AGAP1: variants seen among roughly 807,000 people sequenced by gnomAD.
AGAP1 encodes ArfGAP with GTPase domain, ankyrin repeat and PH domain 1.
Under a neutral mutation model 105.3 loss-of-function variants are expected in AGAP1, and 29 were observed. That is an observed-to-expected ratio of 0.28 (90% CI 0.21 to 0.38). The LOEUF is 0.38. Among genes scored for constraint, AGAP1 ranks in the 10% least tolerant of loss-of-function variants. The probability of loss-of-function intolerance (pLI) is 1.00; values close to 1 mark genes in which losing one functional copy is unlikely to be tolerated. For missense variants in AGAP1, 998 were observed against 1,165.1 expected (o/e 0.86, Z 2.09); for synonymous variants, 509 against 485.9 (o/e 1.05, Z -0.63).
chr2:235,843,673 T>A lies in AGAP1; in HGVS notation c.1050+36342T>A, dbSNP rs1407017684. 1.3e-5 allele frequency among the ~76,000 whole-genome samples: 2 copies of A among 152,266 alleles called. No homozygotes were observed. Among genetic ancestry groups the A allele is most frequent in the Admixed American group, 1.3e-4 (2 of 15,300 alleles). On this transcript the variant is annotated intron_variant, in intron 9 of 17. Coordinates refer to ENST00000304032, the MANE Select transcript of AGAP1 (RefSeq NM_001037131.3). This position sits in a 1 kb window ranked among gnomAD's most constrained non-coding sequence, Gnocchi z 5.9. ...CGCCCTGCATCTGAGATCTCTGTTT[T>A]AAGGCCAGCTCTCCCTAGATGTGTA...
Position 235,823,710 on chromosome 2 carries a change from C to T in AGAP1, c.1050+16379C>T, listed in dbSNP as rs112394352. On this transcript the variant is annotated intron_variant, in intron 9 of 17. Coordinates refer to ENST00000304032, the MANE Select transcript of AGAP1 (RefSeq NM_001037131.3). ...TGACCCAGATATTTTTATTGTATTGCGACTGGTCAGCTTTTTCTAAGTTGA... is the reference window on the plus strand; with the variant it reads ...TGACCCAGATATTTTTATTGTATTGTGACTGGTCAGCTTTTTCTAAGTTGA... Among the ~76,000 whole-genome samples, 1,108 of 152,214 alleles carry T rather than the reference C, an allele frequency of 7.3e-3. 8 individuals carry two copies. Among genetic ancestry groups the T allele is most frequent in the African/African-American group, 0.025 (1,046 of 41,520 alleles).
At chr2:236,024,754 T>C (rs910954708) in intron 13 of AGAP1, among the ~76,000 whole-genome samples, 1 of 152,230 alleles carries the variant, frequency 6.6e-6, no homozygotes, top group Non-Finnish European at 1.5e-5. Flanking sequence ...ATTAGCCCCA[T>C]GGGGCCTTGT....
chr2:235,657,877 A>G (rs76020054), intron 1 of AGAP1, among the ~76,000 whole-genome samples: 1,673 of 152,310 alleles, frequency 0.011, 27 homozygotes, highest in African/African-American at 0.038. Flanking sequence ...CTGTGTCCTT[A>G]TAAGAAGAGG....
At position 235,845,498 on chromosome 2, in the gene AGAP1, C is replaced by G. The variant is rs1180844585; in HGVS notation, c.1051-37847C>G. On this transcript the variant is annotated intron_variant, in intron 9 of 17. Transcript: ENST00000304032. This position sits in a 1 kb window ranked among gnomAD's most constrained non-coding sequence, Gnocchi z 4.8. Reference sequence around the variant, plus strand: ...CGAACCCTGGGCTTCCTGAGGACACCCCATTCTTAGCTGTGGGGTCACCAC... The same window carrying G: ...CGAACCCTGGGCTTCCTGAGGACACGCCATTCTTAGCTGTGGGGTCACCAC... Among the ~76,000 whole-genome samples, 1 of 152,112 alleles carries G rather than the reference C, an allele frequency of 6.6e-6. No individual in the cohort carries two copies. The highest frequency in any genetic ancestry group is 1.5e-5 in the Non-Finnish European group (1 of 68,032).
chr2:235,685,340 G>A (rs1949323897), intron 1 of AGAP1, among the ~76,000 whole-genome samples: 1 of 151,862 alleles, frequency 6.6e-6, no homozygotes, highest in Admixed American at 6.6e-5. Flanking sequence ...TCAGGGCTCA[G>A]TTCTCATCTC....
intron 1 of AGAP1, among the ~76,000 whole-genome samples, chr2:235,522,403 G>T (rs1942657011): frequency 6.6e-6 from 1 of 152,186 alleles, no homozygotes; most frequent in African/African-American, 2.4e-5. Flanking sequence ...CAGCCTCTCT[G>T]TATCTGTGGG....
Position 235,988,512 on chromosome 2 carries a change from T to C in AGAP1, c.1645+19889T>C, listed in dbSNP as rs2055418584. On this transcript the variant is annotated intron_variant, in intron 13 of 17. Transcript: ENST00000304032. The surrounding 1 kb of genome is among the most constrained non-coding windows in gnomAD (Gnocchi z 4.7). ...TTTCTGAACTTTAGCGTAAGTGTTC[T>C]CTGGCAGGTATGGCTGTTTTTCTGA... Among the ~76,000 whole-genome samples, 1 of 152,126 alleles carries C rather than the reference T, an allele frequency of 6.6e-6. No individual in the cohort carries two copies. The highest frequency in any genetic ancestry group is 2.1e-4 in the South Asian group (1 of 4,820).
intron 13 of AGAP1, among the ~76,000 whole-genome samples, chr2:235,996,030 G>A (rs140435661): frequency 2.9e-4 from 44 of 152,290 alleles, no homozygotes; most frequent in African/African-American, 8.4e-4. Context: ...AGCCCAAGCC[G>A]CCACGTGGGC....
intron 1 of AGAP1, among the ~76,000 whole-genome samples, chr2:235,698,306 G>A (rs1345037598): frequency 6.6e-6 from 1 of 152,170 alleles, no homozygotes; most frequent in African/African-American, 2.4e-5. Context: ...ACCTCCAGCT[G>A]TGTGGCCCTG....
chr2:236,085,331 C>T (rs1289339772), intron 16 of AGAP1, among the ~76,000 whole-genome samples: 5 of 152,078 alleles, frequency 3.3e-5, no homozygotes, highest in African/African-American at 9.6e-5. Context: ...CTTTCTGGAG[C>T]ACTAGGGTGC....
chr2:235,826,457 T>G (rs1219612694), intron 9 of AGAP1, among the ~76,000 whole-genome samples: 1 of 152,016 alleles, frequency 6.6e-6, no homozygotes, highest in Non-Finnish European at 1.5e-5. Context: ...CCCCCACTCC[T>G]TTTTTTGAGA....
chr2:236,079,261 T>TTG (rs1243831881), intron 16 of AGAP1, among the ~76,000 whole-genome samples: 3,266 of 151,806 alleles, frequency 0.022, 51 homozygotes, highest in African/African-American at 0.046. Context: ...GGCTTACACC[T>TTG]GTAATCCCAG....
chr2:235,821,545 A>G (rs1247450363), intron 9 of AGAP1, among the ~76,000 whole-genome samples: 2 of 152,100 alleles, frequency 1.3e-5, no homozygotes, highest in Non-Finnish European at 2.9e-5. Flanking sequence ...AAAAATTTTA[A>G]CTTCATGTTT....
intron 11 of AGAP1, among the ~76,000 whole-genome samples, chr2:235,921,619 A>G (rs931948190): frequency 6.6e-6 from 1 of 152,180 alleles, no homozygotes; most frequent in Non-Finnish European, 1.5e-5. Flanking sequence ...ATTTAGTAGT[A>G]ATTACATCTG....
intron 1 of AGAP1, among the ~76,000 whole-genome samples, chr2:235,529,843 T>G (rs1942982557): frequency 6.6e-6 from 1 of 152,156 alleles, no homozygotes; most frequent in East Asian, 1.9e-4. Flanking sequence ...AGCTTGGAGC[T>G]GGGGTTGTAC....
rs1051986686 is a variant in AGAP1 at position 236,040,788 on chromosome 2, A to G, written c.1838A>G (p.Gln613Arg). The change falls in exon 15 of 18, where the codon CAG becomes CGG. Residue 613 changes from glutamine to arginine, a missense_variant. Physicochemically the swap from Gln to Arg is conservative, Grantham distance 43. Around this residue, in one of 3 missense-constraint regions of AGAP1, gnomAD observed 735 missense variants for 833.4 expected, o/e 0.88. Transcript: ENST00000304032. The surrounding 1 kb of genome is among the most constrained non-coding windows in gnomAD (Gnocchi z 5.6). Reference protein sequence around the residue: ...LTSQSEAMALQSIRNMRGNSH... With the variant: ...LTSQSEAMALRSIRNMRGNSH... ...AGCCAGAGCGAGGCCATGGCCCTGC[A>G]GTCGATCCGGAACATGCGCGGGAAC... 9 of 1,613,768 alleles carry G rather than the reference A, an allele frequency of 5.6e-6. No homozygotes were observed. Among genetic ancestry groups the G allele is most frequent in the Non-Finnish European group, 7.6e-6 (9 of 1,180,032 alleles).
intron 16 of AGAP1, among the ~76,000 whole-genome samples, chr2:236,115,411 A>G (rs576500386): frequency 1.3e-5 from 2 of 152,346 alleles, no homozygotes; most frequent in East Asian, 1.9e-4. Context: ...GAAAAGGCAC[A>G]TAAGCCACAG....
chr2:235,922,566 A>G (rs557047650), intron 11 of AGAP1, among the ~76,000 whole-genome samples: 1 of 152,346 alleles, frequency 6.6e-6, no homozygotes, highest in Admixed American at 6.5e-5. Flanking sequence ...TGTTATTGTT[A>G]TTGTAAAGAT....
intron 1 of AGAP1, among the ~76,000 whole-genome samples, chr2:235,564,841 C>G (rs13026116): frequency 3.8e-4 from 46 of 119,880 alleles, no homozygotes; most frequent in African/African-American, 9.6e-4. Context: ...CCAGCACCCA[C>G]GGCCAGGTGT....
Sources: gnomAD v4.1 joint callset for allele counts (sites outside exome capture counted in the v4.1 genomes callset) on GRCh38, gnomAD v4.1.1 for gene constraint, gnomAD v4.1.1 regional missense constraint, Gnocchi (gnomAD v3.1) non-coding constraint, MANE v1.5 for transcripts, NCBI Gene and HGNC (gene_info 2026-07-23, HGNC 2026-07-21) for gene names.